The following SH3RF3 variants were observed in gnomAD, a reference collection of about 807,000 sequenced individuals.
The protein encoded by SH3RF3 is E3 ubiquitin-protein ligase SH3RF3.
A neutral mutation model predicts 66.3 loss-of-function variants in SH3RF3; 29 were observed. That is an observed-to-expected ratio of 0.44 (90% CI 0.33 to 0.60). SH3RF3 has a LOEUF of 0.60. Ranked by LOEUF, SH3RF3 falls within the 20% of genes least tolerant of loss-of-function variation. SH3RF3 has a pLI of 0.04. For missense variants in SH3RF3, 1,194 were observed against 1,190.9 expected (o/e 1.00, Z -0.04); for synonymous variants, 583 against 532.0 (o/e 1.10, Z -1.32).
intron 9 of SH3RF3, among the ~76,000 whole-genome samples, chr2:109,500,875 G>A (rs940419411): frequency 6.6e-6 from 1 of 152,162 alleles, no homozygotes; most frequent in Admixed American, 6.5e-5. Flanking sequence ...ACTTGAGCCT[G>A]GGAGCTCAAG....
chr2:109,190,687 C>T (rs11893469), intron 1 of SH3RF3, among the ~76,000 whole-genome samples: 18,973 of 151,992 alleles, frequency 0.12, 1,470 homozygotes, highest in Middle Eastern at 0.19. Context: ...TTAAAATCAC[C>T]TGCTGATGGT....
At chr2:109,163,830 T>G (rs895877478) in intron 1 of SH3RF3, among the ~76,000 whole-genome samples, 3 of 152,214 alleles carry the variant, frequency 2.0e-5, no homozygotes, top group African/African-American at 7.2e-5. Context: ...CCAAACAATG[T>G]GTTTTCCATG....
chr2:109,268,065 C>T (rs1680539460), intron 1 of SH3RF3, among the ~76,000 whole-genome samples: 1 of 151,754 alleles, frequency 6.6e-6, no homozygotes, highest in Non-Finnish European at 1.5e-5. Context: ...CAGACTGTCC[C>T]CTAATCCCAC....
At chr2:109,359,129 T>A (rs1388145849) in intron 2 of SH3RF3, among the ~76,000 whole-genome samples, 2 of 152,250 alleles carry the variant, frequency 1.3e-5, no homozygotes, top group Non-Finnish European at 2.9e-5. Flanking sequence ...TTCCATTCCA[T>A]TGATCTAGTT....
intron 2 of SH3RF3, among the ~76,000 whole-genome samples, chr2:109,368,814 T>C (rs900826297): frequency 1.3e-5 from 2 of 152,234 alleles, no homozygotes; most frequent in East Asian, 1.9e-4. Flanking sequence ...ATTTCTATCT[T>C]GTGATATTTT....
At chr2:109,405,516 C>A (rs1676430788) in intron 4 of SH3RF3, among the ~76,000 whole-genome samples, 1 of 152,136 alleles carries the variant, frequency 6.6e-6, no homozygotes, top group Non-Finnish European at 1.5e-5. Flanking sequence ...CTGCTCTGGC[C>A]CTGGTCCATT....
intron 8 of SH3RF3, among the ~76,000 whole-genome samples, chr2:109,473,821 C>T (rs1445689967): frequency 2.0e-5 from 3 of 151,562 alleles, no homozygotes; most frequent in Non-Finnish European, 4.4e-5. Context: ...GCACCTTAGC[C>T]GCAGGCTGTC....
At chr2:109,495,406 G>A (rs552619491) in intron 9 of SH3RF3, among the ~76,000 whole-genome samples, 86 of 150,250 alleles carry the variant, frequency 5.7e-4, no homozygotes, top group Non-Finnish European at 9.9e-4. Flanking sequence ...ATCAAGTATC[G>A]TAGAGAGGCT....
At chr2:109,430,493 C>T (rs1677174005) in intron 5 of SH3RF3, among the ~76,000 whole-genome samples, 1 of 151,898 alleles carries the variant, frequency 6.6e-6, no homozygotes, top group South Asian at 2.1e-4. Context: ...TCTCCCCGTC[C>T]TCTCCCATCC....
chr2:109,371,570 G>C lies in SH3RF3; in HGVS notation c.850-16G>C. Reference sequence around the variant, plus strand: ...GTGTCCGTATGCTTGTGTCCACGGTGGACCCGGAACTGCAGGACGAGATTC... The same window carrying C: ...GTGTCCGTATGCTTGTGTCCACGGTCGACCCGGAACTGCAGGACGAGATTC... On this transcript the variant is annotated splice_polypyrimidine_tract_variant and intron_variant, in intron 2 of 9. Transcript: ENST00000309415. 1 of 1,612,034 alleles carries C rather than the reference G, an allele frequency of 6.2e-7. No homozygotes were observed. The highest frequency in any genetic ancestry group is 8.5e-7 in the Non-Finnish European group (1 of 1,178,356).
intron 1 of SH3RF3, among the ~76,000 whole-genome samples, chr2:109,149,570 C>T (rs572132819): frequency 2.7e-4 from 41 of 152,250 alleles, no homozygotes; most frequent in Non-Finnish European, 3.8e-4. Flanking sequence ...TTAAGGCAGC[C>T]GTCCCTGGGT....
chr2:109,500,583 ATGT>A (rs1248663862), intron 9 of SH3RF3, among the ~76,000 whole-genome samples: 1 of 152,150 alleles, frequency 6.6e-6, no homozygotes, highest in Non-Finnish European at 1.5e-5. Context: ...ATTGATGTTG[ATGT>A]TGTGGCCTCA....
chr2:109,449,580 T>A, intron 8 of SH3RF3, 91 bp downstream of exon 8: 1 of 1,464,928 alleles, frequency 6.8e-7, no homozygotes, highest in Non-Finnish European at 9.1e-7. Context: ...TTTGTGCAAT[T>A]GAAGCTAGAA....
intron 1 of SH3RF3, among the ~76,000 whole-genome samples, chr2:109,163,679 G>A (rs1012743514): frequency 2.6e-5 from 4 of 152,116 alleles, no homozygotes; most frequent in African/African-American, 7.2e-5. Context: ...GATTACAGGC[G>A]TGAGCCACCG....
intron 3 of SH3RF3, among the ~76,000 whole-genome samples, chr2:109,395,652 G>A (rs1437593367): frequency 1.3e-5 from 2 of 152,316 alleles, no homozygotes; most frequent in South Asian, 2.1e-4. Context: ...TGTCTCCGCC[G>A]TGAAGGCACA....
At chr2:109,161,337 G>A (rs548779135) in intron 1 of SH3RF3, among the ~76,000 whole-genome samples, 2 of 152,116 alleles carry the variant, frequency 1.3e-5, no homozygotes, top group East Asian at 3.9e-4. Context: ...GGTATGCACG[G>A]GTTTCTCTCT....
At chr2:109,460,614 G>A (rs909009505) in intron 8 of SH3RF3, among the ~76,000 whole-genome samples, 7 of 152,202 alleles carry the variant, frequency 4.6e-5, no homozygotes, top group African/African-American at 1.4e-4. Flanking sequence ...GTCCTCCTCT[G>A]CTGAGGTCAC....
At chr2:109,197,189 C>T (rs1167135619) in intron 1 of SH3RF3, among the ~76,000 whole-genome samples, 1 of 152,182 alleles carries the variant, frequency 6.6e-6, no homozygotes, top group African/African-American at 2.4e-5. Flanking sequence ...AGGCGGTAGT[C>T]TTGTTGCCCT....
At chr2:109,476,667 T>A (rs897106476) in intron 8 of SH3RF3, among the ~76,000 whole-genome samples, 5 of 152,176 alleles carry the variant, frequency 3.3e-5, no homozygotes, top group African/African-American at 4.8e-5. Context: ...TTCTTGGATC[T>A]CCCGCAAGAA....
Sources: gnomAD v4.1 joint callset for allele counts (sites outside exome capture counted in the v4.1 genomes callset) on GRCh38, gnomAD v4.1.1 for gene constraint, MANE v1.5 for transcripts, NCBI Gene and HGNC (gene_info 2026-07-23, HGNC 2026-07-21) for gene names.